Variants in API5 observed in about 807,000 individuals in gnomAD.
The protein encoded by API5 is apoptosis inhibitor 5, also known as FIF.
A neutral mutation model predicts 71.9 loss-of-function variants in API5; 6 were observed. The ratio of observed to expected loss-of-function variants is 0.08; its 90% confidence interval spans 0.05 to 0.16. The LOEUF (loss-of-function observed/expected upper bound fraction) is 0.16, where lower values mean the gene tolerates loss of function less well. Ranked by LOEUF, API5 falls within the 10% of genes least tolerant of loss-of-function variation. API5 has a pLI of 1.00. For missense variants in API5, 332 were observed against 612.8 expected, an observed-to-expected ratio of 0.54 and a Z score of 4.84; for synonymous variants, 189 against 221.3, an observed-to-expected ratio of 0.85 and a Z score of 1.30.
chr11:43,332,302 T>C (rs1855284388), intron 11 of API5, among the ~76,000 whole-genome samples: 1 of 152,176 alleles, frequency 6.6e-6, no homozygotes, highest in Admixed American at 6.5e-5. Flanking sequence ...CCTGACGCTA[T>C]CTACCTAGAG....
At chr11:43,315,373 TTAAATC>T (rs1240734443) in intron 1 of API5, among the ~76,000 whole-genome samples, 1 of 152,172 alleles carries the variant, frequency 6.6e-6, no homozygotes, top group Non-Finnish European at 1.5e-5. Context: ...GTCTCAAGGG[TTAAATC>T]CTTTTATGTA....
At chr11:43,318,154 C>T (rs1406384656) in intron 1 of API5, among the ~76,000 whole-genome samples, 3 of 152,268 alleles carry the variant, frequency 2.0e-5, no homozygotes, top group South Asian at 4.1e-4. Flanking sequence ...GGATTACAGG[C>T]GCACACCACC....
rs5743239 is a variant in API5 at position 43,327,729 on chromosome 11, C to T, written c.856-60C>T. On this transcript the variant is annotated intron_variant, in intron 7 of 13. Coordinates refer to ENST00000531273, the MANE Select transcript of API5 (RefSeq NM_001142930.2). ...AGTCTTAAATCGTTATCTAGAATTA[C>T]TCTCATTTCATAACCCTTGCTTATT... The T allele has an allele frequency of 1.6e-3, 1,826 of 1,176,736 alleles. 3 individuals carry two copies. The highest frequency in any genetic ancestry group is 2.1e-3 in the Admixed American group (97 of 46,166). The allele number at this position is 1,176,736 out of a possible 1,614,324, so 72.9% of individuals were successfully genotyped here.
Position 43,335,971 on chromosome 11 carries a change from G to A in API5, c.1469G>A (p.Ser490Asn). 6.2e-7 allele frequency: 1 copy of A among 1,614,030 alleles called. No homozygotes were observed. Among genetic ancestry groups the A allele is most frequent in the Non-Finnish European group, 8.5e-7 (1 of 1,179,978 alleles). ...IYNPPSGKYS[S>N]NLGNFNYEQR... is the part of the protein sequence containing the mutation. ...AACCCTCCCAGTGGGAAATATAGCA[G>A]CAATTTGGGCAACTTTAATTATGGT... The change falls in exon 13 of 14, where the codon AGC becomes AAC. Residue 490 changes from serine (S) to asparagine (N), a missense_variant. Around this residue, in one of 3 missense-constraint regions of API5, gnomAD observed 168 missense variants for 343.9 expected, o/e 0.49. Coordinates refer to ENST00000531273, the MANE Select transcript of API5 (RefSeq NM_001142930.2).
intron 13 of API5, among the ~76,000 whole-genome samples, chr11:43,336,775 G>A (rs900573302): frequency 5.3e-5 from 8 of 152,078 alleles, no homozygotes; most frequent in Non-Finnish European, 1.0e-4. Context: ...TTGGGAGGCC[G>A]AGGCAGGCGG....
At chr11:43,336,876 C>T (rs988706255) in intron 13 of API5, among the ~76,000 whole-genome samples, 16 of 151,900 alleles carry the variant, frequency 1.1e-4, no homozygotes, top group Admixed American at 3.3e-4. Flanking sequence ...GGTGTGGTGG[C>T]GGGCGCCTGT....
intron 11 of API5, among the ~76,000 whole-genome samples, chr11:43,333,552 A>T (rs1368723180): frequency 6.6e-6 from 1 of 152,138 alleles, no homozygotes; most frequent in Admixed American, 6.5e-5. Flanking sequence ...ATTAATACAG[A>T]TAGATTACAT....
At chr11:43,321,051 A>T (rs1242999285) in intron 3 of API5, 137 bp downstream of exon 3, 1 of 697,054 alleles carries the variant, frequency 1.4e-6, no homozygotes, top group Non-Finnish European at 2.4e-6. Flanking sequence ...TCCTACTTTC[A>T]TTCAGTAGTT....
rs541316385 is a variant in API5, at chr11:43,313,130, T to G, written c.69+934T>G. ...TCAAAAAAAAAAAAAAAGGTTTTTT[T>G]TAAAAATTTATTCTTTTTAATGAAA... On this transcript the variant is annotated intron_variant, in intron 1 of 13. Coordinates refer to ENST00000531273, the MANE Select transcript of API5 (RefSeq NM_001142930.2). Among the ~76,000 whole-genome samples, 10 of 152,150 alleles carry G rather than the reference T, an allele frequency of 6.6e-5. No homozygotes were observed. The East Asian group carries it at 1.2e-3, about 18-fold the overall frequency.
intron 11 of API5, among the ~76,000 whole-genome samples, chr11:43,334,342 C>T (rs912605680): frequency 1.3e-5 from 2 of 151,978 alleles, no homozygotes; most frequent in East Asian, 1.9e-4. Context: ...TTGCCGTTTC[C>T]TCTTCATGTG....
At chr11:43,321,363 T>C in intron 3 of API5, 48 bp from the exon 4 acceptor site, 1 of 1,437,720 alleles carries the variant, frequency 7.0e-7, no homozygotes, top group South Asian at 1.2e-5. Flanking sequence ...AAGCAGATGA[T>C]ATTTTAAATT....
At chr11:43,317,139 TA>T (rs1179724393) in intron 1 of API5, among the ~76,000 whole-genome samples, 2 of 152,238 alleles carry the variant, frequency 1.3e-5, no homozygotes, top group African/African-American at 2.4e-5. Context: ...TTATACATAA[TA>T]AATACTATAC....
Position 43,344,055 on chromosome 11 carries a change from T to C in API5, c.*1545T>C, listed in dbSNP as rs531892340. 1 of 152,722 alleles carries C rather than the reference T, an allele frequency of 6.5e-6. No homozygotes were observed. The highest frequency in any genetic ancestry group is 1.9e-4 in the East Asian group (1 of 5,174). The allele number at this position is 152,722 out of a possible 1,614,324, so 9.5% of individuals were successfully genotyped here. A position where few individuals can be genotyped will look rare whatever the true frequency, so the allele number is the denominator to read the frequency against. On this transcript the variant is annotated 3_prime_UTR_variant, in exon 14 of 14. Transcript: ENST00000531273. ...TGGCTATGGAGTGGTGGCAATAATCTCTAAACATTCCAAAAGACCATGAGC... is the reference window on the plus strand; with the variant it reads ...TGGCTATGGAGTGGTGGCAATAATCCCTAAACATTCCAAAAGACCATGAGC...
chr11:43,322,975 A>G (rs1460645819), intron 5 of API5, among the ~76,000 whole-genome samples: 1 of 152,220 alleles, frequency 6.6e-6, no homozygotes, highest in Non-Finnish European at 1.5e-5. Context: ...TATTTTGTAT[A>G]CAACAATTAC....
rs190214487 is a variant in API5 at position 43,343,603 on chromosome 11, C to A, written c.*1093C>A. ...TACCAATAAGTAAGGGATGCTCTCTCGGTTTGCTTTTGCCACTTTCAAGAT... is the reference window on the plus strand; with the variant it reads ...TACCAATAAGTAAGGGATGCTCTCTAGGTTTGCTTTTGCCACTTTCAAGAT... On this transcript the variant is annotated 3_prime_UTR_variant, in exon 14 of 14. Transcript: ENST00000531273. The A allele has an allele frequency of 1.3e-3, 203 of 152,660 alleles. No individual in the cohort carries two copies. Among genetic ancestry groups the A allele is most frequent in the African/African-American group, 4.7e-3 (196 of 41,534 alleles). The allele number at this position is 152,660 out of a possible 1,614,324, so 9.5% of individuals were successfully genotyped here.
At chr11:43,337,948 T>C (rs1163629092) in intron 13 of API5, among the ~76,000 whole-genome samples, 2 of 152,198 alleles carry the variant, frequency 1.3e-5, no homozygotes, top group African/African-American at 4.8e-5. Context: ...ACACTTTAGA[T>C]TGTATACAGT....
intron 11 of API5, among the ~76,000 whole-genome samples, chr11:43,335,064 T>A (rs1010537389): frequency 2.0e-5 from 3 of 152,188 alleles, no homozygotes; most frequent in African/African-American, 7.2e-5. Context: ...TAGAAAAAAA[T>A]TAGCTACACT....
rs1386427351 is a variant in API5 at position 43,342,496 on chromosome 11, G to A, written c.1561G>A (p.Gly521Arg). The A allele has an allele frequency of 6.2e-7, 1 of 1,613,204 alleles. No individual in the cohort carries two copies. The highest frequency in any genetic ancestry group is 8.5e-7 in the Non-Finnish European group (1 of 1,179,542). ...GWGTRGNRSR[G>R]RLY ...GGGCACACGAGGAAATCGTAGTCGG[G>A]GAAGACTCTACTGAATAAGACATCA... The change falls in exon 14 of 14, where the codon GGA (glycine) becomes AGA (arginine). Residue 521 changes from glycine to arginine, a missense_variant. Coordinates refer to ENST00000531273, the MANE Select transcript of API5 (RefSeq NM_001142930.2).
At chr11:43,318,607 C>A (rs1554974243) in intron 1 of API5, 33 bp from the exon 2 acceptor site, 1 of 1,605,864 alleles carries the variant, frequency 6.2e-7, no homozygotes, top group Admixed American at 1.7e-5. Context: ...CCTTCAAAAT[C>A]ATGTGTCTTT....
Sources: gnomAD v4.1 joint callset for allele counts (sites outside exome capture counted in the v4.1 genomes callset) on GRCh38, gnomAD v4.1.1 for gene constraint, gnomAD v4.1.1 regional missense constraint, MANE v1.5 for transcripts, NCBI Gene and HGNC (gene_info 2026-07-23, HGNC 2026-07-21) for gene names.